BATF2: variants seen among roughly 807,000 people sequenced by gnomAD.
BATF2 encodes the protein basic leucine zipper ATF-like transcription factor 2, also known as basic leucine zipper transcriptional factor ATF-like 2.
A neutral mutation model predicts 7.3 loss-of-function variants in BATF2; 4 were observed. The observed-to-expected ratio is 0.55, with a 90% confidence interval of 0.27 to 1.26. The LOEUF (loss-of-function observed/expected upper bound fraction) is 1.26, where lower values mean the gene tolerates loss of function less well. Among genes scored for constraint, BATF2 ranks in the 50% most tolerant of loss-of-function variants. The pLI, the probability that BATF2 is intolerant of heterozygous loss-of-function variation, is 0.11. For synonymous variants in BATF2, 152 were observed against 153.9 expected, an observed-to-expected ratio of 0.99 and a Z score of 0.09; for missense variants, 295 against 340.5, an observed-to-expected ratio of 0.87 and a Z score of 1.05.
Position 64,989,014 on chromosome 11 carries a change from T to G in BATF2, c.*115A>C. ...GGCTTCCTTTTCGACTGTGAAATCCTGGGCCAGCTGGTCAGCCACGCAGGG... is the reference window on the plus strand; with the variant it reads ...GGCTTCCTTTTCGACTGTGAAATCCGGGGCCAGCTGGTCAGCCACGCAGGG... On this transcript the variant is annotated 3_prime_UTR_variant, in exon 3 of 3. Coordinates refer to ENST00000301887, the MANE Select transcript of BATF2 (RefSeq NM_138456.4). This position sits in a 1 kb window ranked among gnomAD's most constrained non-coding sequence, Gnocchi z 4.3. 1.7e-6 allele frequency: 2 copies of G among 1,210,488 alleles called. No homozygotes were observed. The highest frequency in any genetic ancestry group is 2.4e-6 in the Non-Finnish European group (2 of 831,590). 75.0% of individuals were successfully genotyped at this position (1,210,488 alleles called of 1,614,324 possible).
intron 2 of BATF2, chr11:64,990,162 T>C: frequency 6.5e-7 from 1 of 1,535,704 alleles, no homozygotes; most frequent in Non-Finnish European, 8.7e-7. Flanking sequence ...ATGTCATTAA[T>C]TGCAGGTTAA....
chr11:64,989,343 G>A lies in BATF2; in HGVS notation c.611C>T (p.Ala204Val), dbSNP rs772964449. The change falls in exon 3 of 3, where the codon GCC becomes GTC. Residue 204 changes from alanine (A) to valine (V), a missense_variant. By Grantham distance (64) the Ala-to-Val change is moderately conservative. Coordinates refer to ENST00000301887, the MANE Select transcript of BATF2 (RefSeq NM_138456.4). The surrounding 1 kb of genome is among the most constrained non-coding windows in gnomAD (Gnocchi z 4.3). Reference sequence around the variant, plus strand: ...CTCCAGCTCGAGGGGCTGTGGAGGGGCAGTTTGGGCCGTGAGGCTGGGCTG... The same window carrying A: ...CTCCAGCTCGAGGGGCTGTGGAGGGACAGTTTGGGCCGTGAGGCTGGGCTG... ...ALQPSLTAQTAPPQPLELEHP... is the reference protein window; with the variant it reads ...ALQPSLTAQTVPPQPLELEHP... The A allele has an allele frequency of 6.4e-7, 1 of 1,572,178 alleles. No homozygotes were observed. The highest frequency in any genetic ancestry group is 8.6e-7 in the Non-Finnish European group (1 of 1,158,622).
chr11:64,996,826 G>A (rs375769088), intron 1 of BATF2, 50 bp downstream of exon 1: 162 of 1,608,842 alleles, frequency 1.0e-4, no homozygotes, highest in Non-Finnish European at 1.3e-4. Flanking sequence ...CACTGAGGAC[G>A]GGATCCCAGC....
chr11:64,988,693 C>T lies in BATF2; in HGVS notation c.*436G>A. The T allele has an allele frequency of 5.3e-6, 1 of 186,972 alleles. No homozygotes were observed. Among genetic ancestry groups the T allele is most frequent in the South Asian group, 9.3e-5 (1 of 10,776 alleles). The allele number at this position is 186,972 out of a possible 1,614,324, so 11.6% of individuals were successfully genotyped here. ...TGGCTCTGGCCCTGGAATCACGAAGCAGTGGGGAGAGCCCTTCTCTGCTCT... is the reference window on the plus strand; with the variant it reads ...TGGCTCTGGCCCTGGAATCACGAAGTAGTGGGGAGAGCCCTTCTCTGCTCT... On this transcript the variant is annotated 3_prime_UTR_variant, in exon 3 of 3. Transcript: ENST00000301887.
chr11:64,993,577 A>G (rs189737286), intron 2 of BATF2, among the ~76,000 whole-genome samples: 121 of 152,280 alleles, frequency 7.9e-4, no homozygotes, highest in Middle Eastern at 3.4e-3. Flanking sequence ...TGTTTAAGCC[A>G]CTGTTTATGG....
intron 1 of BATF2, among the ~76,000 whole-genome samples, chr11:64,995,020 T>C (rs780995331): frequency 5.6e-4 from 85 of 152,014 alleles, no homozygotes; most frequent in Non-Finnish European, 1.2e-4. Context: ...GGCCAATTTT[T>C]GTATTTTTAG....
At chr11:64,992,027 T>TTGC (rs1297788884) in intron 2 of BATF2, among the ~76,000 whole-genome samples, 2 of 151,782 alleles carry the variant, frequency 1.3e-5, no homozygotes, top group African/African-American at 4.8e-5. Flanking sequence ...TCGCCTTTTT[T>TTGC]TGTTGTTGTT....
chr11:64,993,801 C>T lies in BATF2; in HGVS notation c.141+647G>A, dbSNP rs572238246. 6.0e-3 allele frequency among the ~76,000 whole-genome samples: 893 copies of T among 149,466 alleles called. 6 individuals carry two copies. The highest frequency in any genetic ancestry group is 0.012 in the South Asian group (59 of 4,724). On this transcript the variant is annotated intron_variant, in intron 2 of 2. Transcript: ENST00000301887. ...GACCTGGCAGAGGAAGAATAATCCA[C>T]TTTTTTTTTTCTATAGACAGGGTCT... is the stretch of plus-strand genomic sequence containing the variant.
chr11:64,990,263 G>A (rs1397259223), intron 2 of BATF2: 24 of 1,524,554 alleles, frequency 1.6e-5, no homozygotes, highest in Admixed American at 2.0e-5. Flanking sequence ...CCTCTCTCTC[G>A]CCTTCTTTCT....
chr11:64,991,311 C>T (rs896213621), intron 2 of BATF2, among the ~76,000 whole-genome samples: 1 of 151,754 alleles, frequency 6.6e-6, no homozygotes, highest in African/African-American at 2.4e-5. Context: ...TATGCACAAC[C>T]ATGCCCAGCT....
intron 2 of BATF2, among the ~76,000 whole-genome samples, chr11:64,991,538 G>A (rs1196903): frequency 0.45 from 69,152 of 152,004 alleles, 18,521 homozygotes; most frequent in Non-Finnish European, 0.62. Context: ...TCCAGGAACG[G>A]AGTCACTCAC....
chr11:64,993,447 C>T (rs187592778), intron 2 of BATF2, among the ~76,000 whole-genome samples: 2 of 152,280 alleles, frequency 1.3e-5, no homozygotes, highest in East Asian at 3.9e-4. Context: ...AGGCCATGAG[C>T]ACACAGCGAG....
At chr11:64,995,474 C>T (rs997337280) in intron 1 of BATF2, among the ~76,000 whole-genome samples, 3 of 152,228 alleles carry the variant, frequency 2.0e-5, no homozygotes, top group African/African-American at 4.8e-5. Flanking sequence ...AAAATACACA[C>T]AAATCCCTGC....
Position 64,996,892 on chromosome 11 carries a change from C to A in BATF2, c.23G>T (p.Gly8Val). Residue 8 changes from glycine (G) to valine (V), a missense_variant, in exon 1 of 3, where the codon GGG (glycine) becomes GTG (valine). Transcript: ENST00000301887. MHLCGGN[G>V]LLTQTDPKEQ... ...TGTACTCACTGTCTGGGTCAGCAGCCCATTGCCCCCACAGAGGTGCATGGC... is the reference window on the plus strand; with the variant it reads ...TGTACTCACTGTCTGGGTCAGCAGCACATTGCCCCCACAGAGGTGCATGGC... 6.2e-7 allele frequency: 1 copy of A among 1,608,134 alleles called. No individual in the cohort carries two copies.
chr11:64,988,666 C>A lies in BATF2; in HGVS notation c.*463G>T. On this transcript the variant is annotated 3_prime_UTR_variant, in exon 3 of 3. Coordinates refer to ENST00000301887, the MANE Select transcript of BATF2 (RefSeq NM_138456.4). ...AGCTAGGTTGGGGTTTCTGGGACTG[C>A]ATGGCTCTGGCCCTGGAATCACGAA... 1 of 170,828 alleles carries A rather than the reference C, an allele frequency of 5.9e-6. No individual in the cohort carries two copies. Among genetic ancestry groups the A allele is most frequent in the Non-Finnish European group, 1.3e-5 (1 of 78,512 alleles). 10.6% of individuals were successfully genotyped at this position (170,828 alleles called of 1,614,324 possible).
Position 64,989,399 on chromosome 11 carries a change from C to A in BATF2, c.555G>T (p.Leu185=). 1 of 1,587,440 alleles carries A rather than the reference C, an allele frequency of 6.3e-7. No homozygotes were observed. Among genetic ancestry groups the A allele is most frequent in the East Asian group, 2.2e-5 (1 of 44,632 alleles). Residue 185 remains leucine, a synonymous_variant, in exon 3 of 3, where the codon CTG becomes CTT. Transcript: ENST00000301887. The surrounding 1 kb of genome is among the most constrained non-coding windows in gnomAD (Gnocchi z 4.3). ...LLFASHTGSS[L]QGSSSKLSAL... ...CACTGAGCTTAGAGGAAGACCCCTG[C>A]AGGCTGGAACCAGTGTGCGAGGCAA...
At chr11:64,992,960 A>C (rs1332930437) in intron 2 of BATF2, among the ~76,000 whole-genome samples, 1 of 152,090 alleles carries the variant, frequency 6.6e-6, no homozygotes, top group Admixed American at 6.6e-5. Flanking sequence ...GGAGTTCAAG[A>C]CAAGCCTGGG....
Position 64,992,094 on chromosome 11 carries a change from C to T in BATF2, c.142-2282G>A, listed in dbSNP as rs528213110. On this transcript the variant is annotated intron_variant, in intron 2 of 2. Coordinates refer to ENST00000301887, the MANE Select transcript of BATF2 (RefSeq NM_138456.4). ...TCTCCCAGGCTGAAGTGCAGTGGCACGACCTCAGCTCACTGCAACCTCCAC... is the reference window on the plus strand; with the variant it reads ...TCTCCCAGGCTGAAGTGCAGTGGCATGACCTCAGCTCACTGCAACCTCCAC... 5.3e-5 allele frequency among the ~76,000 whole-genome samples: 8 copies of T among 152,170 alleles called. No individual in the cohort carries two copies. The South Asian group carries it at 1.0e-3, about 20-fold the overall frequency.
intron 2 of BATF2, chr11:64,990,597 ACAAT>A: frequency 9.6e-7 from 1 of 1,045,540 alleles, no homozygotes; most frequent in Non-Finnish European, 1.2e-6. Flanking sequence ...CCCCTGAGAC[ACAAT>A]CAATGTGCAG....
Sources: gnomAD v4.1 joint callset for allele counts (sites outside exome capture counted in the v4.1 genomes callset) on GRCh38, gnomAD v4.1.1 for gene constraint, Gnocchi (gnomAD v3.1) non-coding constraint, MANE v1.5 for transcripts, NCBI Gene and HGNC (gene_info 2026-07-23, HGNC 2026-07-21) for gene names.